The following SDK1 variants were observed in gnomAD, a reference collection of about 807,000 sequenced individuals.
SDK1 encodes protein sidekick-1.
SDK1 carries 157 observed loss-of-function variants against 245.5 expected under a neutral mutation model. That is an observed-to-expected ratio of 0.64 (90% CI 0.56 to 0.73). SDK1 has a LOEUF of 0.73. SDK1 is among the 30% of genes least tolerant of loss of function. The pLI is 0.00. For missense variants in SDK1, 3,583 were observed against 3,002.3 expected (o/e 1.19, Z -4.52); for synonymous variants, 1,647 against 1,278.5 (o/e 1.29, Z -6.15).
At chr7:3,720,913 A>G (rs1785348529) in intron 4 of SDK1, among the ~76,000 whole-genome samples, 1 of 152,248 alleles carries the variant, frequency 6.6e-6, no homozygotes, top group African/African-American at 2.4e-5. Context: ...CATCGCTCAT[A>G]ATAAGAAGTG....
chr7:4,134,274 C>A (rs1421815388), intron 28 of SDK1, among the ~76,000 whole-genome samples: 1 of 152,158 alleles, frequency 6.6e-6, no homozygotes, highest in Non-Finnish European at 1.5e-5. Context: ...AATCAGGTGA[C>A]CTTTGGAATT....
At chr7:3,492,116 A>G (rs898659629) in intron 1 of SDK1, among the ~76,000 whole-genome samples, 4 of 152,216 alleles carry the variant, frequency 2.6e-5, no homozygotes, top group South Asian at 2.1e-4. Context: ...TTCCCCTAAT[A>G]GATATTTTTA....
At chr7:3,440,954 G>C (rs1156703371) in intron 1 of SDK1, among the ~76,000 whole-genome samples, 1 of 152,186 alleles carries the variant, frequency 6.6e-6, no homozygotes, top group Non-Finnish European at 1.5e-5. Flanking sequence ...GGGATCCCTT[G>C]AAATGAGTTA....
intron 38 of SDK1, among the ~76,000 whole-genome samples, chr7:4,219,465 T>G (rs1369015320): frequency 6.6e-6 from 1 of 152,202 alleles, no homozygotes; most frequent in East Asian, 1.9e-4. Context: ...TCTTACATGG[T>G]GGCAGGCAAG....
intron 1 of SDK1, among the ~76,000 whole-genome samples, chr7:3,515,335 A>G (rs1782709650): frequency 6.6e-6 from 1 of 152,188 alleles, no homozygotes; most frequent in Non-Finnish European, 1.5e-5. Flanking sequence ...AGAAAGAAGT[A>G]AGGCTGACCA....
chr7:3,940,900 T>C (rs1780342602), intron 5 of SDK1, among the ~76,000 whole-genome samples: 1 of 152,048 alleles, frequency 6.6e-6, no homozygotes, highest in African/African-American at 2.4e-5. Context: ...CCTCACACTC[T>C]CATGGAGTGG....
At chr7:3,979,086 G>A (rs759769316) in intron 13 of SDK1, among the ~76,000 whole-genome samples, 2 of 152,314 alleles carry the variant, frequency 1.3e-5, no homozygotes, top group African/African-American at 2.4e-5. Flanking sequence ...GGGCCAATAG[G>A]AGCAAAGGGC....
intron 4 of SDK1, among the ~76,000 whole-genome samples, chr7:3,742,396 C>T (rs979417983): frequency 1.3e-5 from 2 of 152,068 alleles, no homozygotes; most frequent in African/African-American, 4.8e-5. Flanking sequence ...GCTCTACTTC[C>T]GGTAAGGAGA....
At chr7:3,600,715 A>AT (rs1359744123) in intron 1 of SDK1, among the ~76,000 whole-genome samples, 1 of 151,712 alleles carries the variant, frequency 6.6e-6, no homozygotes, top group Admixed American at 6.6e-5. Flanking sequence ...CGCCCGGTTA[A>AT]TTTTTTGTAT....
intron 1 of SDK1, among the ~76,000 whole-genome samples, chr7:3,457,293 C>T (rs954365800): frequency 6.6e-6 from 1 of 152,166 alleles, no homozygotes; most frequent in Non-Finnish European, 1.5e-5. Flanking sequence ...TACGTTGTCC[C>T]TTCAGTCTTG....
At chr7:3,542,601 T>C (rs1350092536) in intron 1 of SDK1, among the ~76,000 whole-genome samples, 1 of 152,244 alleles carries the variant, frequency 6.6e-6, no homozygotes, top group Non-Finnish European at 1.5e-5. Context: ...ATTGATCTTT[T>C]AATCAATAAC....
intron 36 of SDK1, among the ~76,000 whole-genome samples, chr7:4,207,306 G>A (rs1562433116): frequency 6.6e-6 from 1 of 152,204 alleles, no homozygotes; most frequent in Non-Finnish European, 1.5e-5. Flanking sequence ...CAGAGCCAAG[G>A]TGGGTCTTCT....
At chr7:4,076,444 T>TA (rs1271804092) in intron 20 of SDK1, among the ~76,000 whole-genome samples, 27 of 152,246 alleles carry the variant, frequency 1.8e-4, no homozygotes, top group African/African-American at 6.3e-4. Context: ...TGGTCCCAGC[T>TA]ACTCAGGACG....
chr7:3,453,340 A>C lies in SDK1; in HGVS notation c.298+151456A>C, dbSNP rs537349301. 2.8e-4 allele frequency among the ~76,000 whole-genome samples: 43 copies of C among 152,302 alleles called. No homozygotes were observed. The South Asian group carries it at 6.6e-3, about 23-fold the overall frequency. ...AATAAGTTGCCCTGGTGGGCCAAAT[A>C]ATGTTATTCCTCACATTTGGTATCC... On this transcript the variant is annotated intron_variant, in intron 1 of 44. Transcript: ENST00000404826.
At chr7:3,944,034 G>C (rs943756902) in intron 5 of SDK1, among the ~76,000 whole-genome samples, 14 of 152,212 alleles carry the variant, frequency 9.2e-5, no homozygotes, top group East Asian at 3.8e-4. Context: ...GTTCAGTTGA[G>C]AACACTACTG....
intron 1 of SDK1, among the ~76,000 whole-genome samples, chr7:3,393,573 C>T (rs934186620): frequency 5.9e-5 from 9 of 152,114 alleles, no homozygotes; most frequent in Non-Finnish European, 1.2e-4. Context: ...CTGGATTATT[C>T]GCAGATCAGA....
chr7:3,993,505 A>G (rs563868157), intron 14 of SDK1, among the ~76,000 whole-genome samples: 2 of 152,292 alleles, frequency 1.3e-5, no homozygotes, highest in Admixed American at 6.5e-5. Context: ...GTGATTCCCT[A>G]TTATACCTTG....
At position 3,343,738 on chromosome 7, in the gene SDK1, A is replaced by T. The variant is rs1457778111; in HGVS notation, c.298+41854A>T. ...TTAATAAAAAGTTAAATATGAATGGACTGACTTCTATTAGAAGACAAGATT... is the reference window on the plus strand; with the variant it reads ...TTAATAAAAAGTTAAATATGAATGGTCTGACTTCTATTAGAAGACAAGATT... On this transcript the variant is annotated intron_variant, in intron 1 of 44. Transcript: ENST00000404826. Among the ~76,000 whole-genome samples, 5 of 152,258 alleles carry T rather than the reference A, an allele frequency of 3.3e-5. No homozygotes were observed. The East Asian group carries it at 5.8e-4, about 18-fold the overall frequency.
At chr7:4,100,007 G>A (rs1362698349) in intron 22 of SDK1, among the ~76,000 whole-genome samples, 2 of 151,952 alleles carry the variant, frequency 1.3e-5, no homozygotes, top group Admixed American at 6.5e-5. Flanking sequence ...AGTGTCTCTC[G>A]AACGTAGGCC....
Sources: allele counts gnomAD v4.1 joint callset (sites outside exome capture counted in the v4.1 genomes callset), GRCh38; gene constraint gnomAD v4.1.1; transcripts MANE v1.5; gene names NCBI Gene and HGNC (gene_info 2026-07-23, HGNC 2026-07-21).